The following FOXP1 variants were observed in gnomAD, a reference collection of about 807,000 sequenced individuals.
FOXP1 encodes the protein forkhead box protein P1.
In FOXP1, 15 loss-of-function variants were observed where a neutral mutation model predicts 98.2. The observed-to-expected ratio is 0.15, with a 90% CI of 0.10 to 0.24. The LOEUF is 0.24. Ranked by LOEUF, FOXP1 falls within the 10% of genes least tolerant of loss-of-function variation. FOXP1 has a pLI of 1.00. For missense variants in FOXP1, 633 were observed against 848.5 expected (o/e 0.75, Z 3.15); for synonymous variants, 371 against 314.5 (o/e 1.18, Z -1.90).
chr3:71,405,606 G>A (rs1040978640), intron 3 of FOXP1, among the ~76,000 whole-genome samples: 3 of 152,126 alleles, frequency 2.0e-5, no homozygotes, highest in Non-Finnish European at 2.9e-5. Flanking sequence ...AGAGTTCCAC[G>A]TTCCCAGCTG....
chr3:71,544,405 CA>C (rs907422697), intron 2 of FOXP1, among the ~76,000 whole-genome samples: 34 of 139,980 alleles, frequency 2.4e-4, no homozygotes, highest in African/African-American at 6.5e-4. Context: ...AAATTTGGAA[CA>C]AAAAAAAGGA....
intron 3 of FOXP1, among the ~76,000 whole-genome samples, chr3:71,470,477 C>T (rs1189737648): frequency 1.3e-5 from 2 of 152,198 alleles, no homozygotes; most frequent in African/African-American, 2.4e-5. Flanking sequence ...CGGTGGCTCA[C>T]GCCTTTAATC....
At chr3:70,978,859 G>A (rs115877060) in intron 14 of FOXP1, among the ~76,000 whole-genome samples, 105 of 152,196 alleles carry the variant, frequency 6.9e-4, no homozygotes, top group African/African-American at 1.9e-3. Context: ...TACAGAATAC[G>A]GGAGATCTGC....
intron 6 of FOXP1, among the ~76,000 whole-genome samples, chr3:71,179,794 A>G (rs556034458): frequency 2.0e-5 from 3 of 152,374 alleles, no homozygotes; most frequent in Middle Eastern, 6.8e-3. Flanking sequence ...ACAGGATTGC[A>G]AGCGATATAG....
intron 14 of FOXP1, among the ~76,000 whole-genome samples, chr3:70,979,297 A>G (rs111447663): frequency 1.4e-5 from 2 of 146,480 alleles, no homozygotes; most frequent in Non-Finnish European, 3.0e-5. Flanking sequence ...AAAAAAAAAA[A>G]AAAAAAAAAA....
At chr3:71,036,204 A>G (rs976468036) in intron 11 of FOXP1, among the ~76,000 whole-genome samples, 2 of 152,204 alleles carry the variant, frequency 1.3e-5, no homozygotes, top group Admixed American at 6.5e-5. Flanking sequence ...GCAACTGCCA[A>G]CTGTGGAGTG....
At chr3:71,212,789 C>T (rs1019403816) in intron 5 of FOXP1, among the ~76,000 whole-genome samples, 1 of 152,138 alleles carries the variant, frequency 6.6e-6, no homozygotes, top group Non-Finnish European at 1.5e-5. Context: ...ATTAATCACA[C>T]TTCTAAGAGC....
At chr3:71,528,102 T>G (rs760638628) in intron 2 of FOXP1, among the ~76,000 whole-genome samples, 71 of 152,356 alleles carry the variant, frequency 4.7e-4, no homozygotes, top group Non-Finnish European at 9.1e-4. Flanking sequence ...CACCTAAAAA[T>G]GCAGATCCCC....
At chr3:71,204,338 A>C (rs1289907026) in intron 5 of FOXP1, among the ~76,000 whole-genome samples, 2 of 152,224 alleles carry the variant, frequency 1.3e-5, no homozygotes, top group Admixed American at 1.3e-4. Context: ...CAAACAAAGG[A>C]GTTTTAAGCA....
At chr3:71,418,509 T>G (rs1220420368) in intron 3 of FOXP1, among the ~76,000 whole-genome samples, 2 of 152,252 alleles carry the variant, frequency 1.3e-5, no homozygotes, top group Non-Finnish European at 2.9e-5. Flanking sequence ...ATTTGTTTCC[T>G]ATAATAATTC....
rs187225150 is a variant in FOXP1, at chr3:71,581,266, G to T, written c.-298+283C>A. ...AGAGGGGAGTGGGGTGAGAAGGGGGGCGAGGATGTCACCATATTTTATCGG... is the reference window on the plus strand; with the variant it reads ...AGAGGGGAGTGGGGTGAGAAGGGGGTCGAGGATGTCACCATATTTTATCGG... On this transcript the variant is annotated intron_variant, in intron 2 of 20. Transcript: ENST00000649528. 3.9e-3 allele frequency: 3,856 copies of T among 985,280 alleles called. 9 individuals carry two copies. The highest frequency in any genetic ancestry group is 4.4e-3 in the Non-Finnish European group (3,669 of 829,876). The allele number at this position is 985,280 out of a possible 1,614,324, so 61.0% of individuals were successfully genotyped here.
chr3:71,057,291 C>CCTTTTTTTTTTTTTT (rs2050794054), intron 7 of FOXP1, among the ~76,000 whole-genome samples: 1 of 7,474 alleles, frequency 1.3e-4, no homozygotes, highest in Non-Finnish European at 4.6e-4. Context: ...AAAAACGAAA[C>CCTTTTTTTTTTTTTT]TTTTTTTTTT....
intron 3 of FOXP1, among the ~76,000 whole-genome samples, chr3:71,410,535 T>C (rs1470980522): frequency 6.6e-6 from 1 of 152,230 alleles, no homozygotes; most frequent in Non-Finnish European, 1.5e-5. Flanking sequence ...TGTGTCCTTA[T>C]GATTATGCAG....
intron 5 of FOXP1, among the ~76,000 whole-genome samples, chr3:71,206,240 T>C (rs1307630588): frequency 6.6e-6 from 1 of 152,250 alleles, no homozygotes; most frequent in Admixed American, 6.5e-5. Context: ...CCAACTTTTA[T>C]ATTCCAACTT....
chr3:71,527,703 T>G (rs891555179), intron 2 of FOXP1, among the ~76,000 whole-genome samples: 11 of 152,026 alleles, frequency 7.2e-5, no homozygotes, highest in African/African-American at 2.7e-4. Context: ...CCCCCGACAA[T>G]CTGTACAATA....
At chr3:71,552,182 T>TAAA (rs552135660) in intron 2 of FOXP1, among the ~76,000 whole-genome samples, 24 of 152,132 alleles carry the variant, frequency 1.6e-4, no homozygotes, top group African/African-American at 5.8e-4. Context: ...ACCAATGCAA[T>TAAA]AAAGCAGGAG....
At chr3:71,365,924 A>T (rs1051192397) in intron 3 of FOXP1, among the ~76,000 whole-genome samples, 1 of 152,216 alleles carries the variant, frequency 6.6e-6, no homozygotes, top group Non-Finnish European at 1.5e-5. Flanking sequence ...CAGAGGTTGC[A>T]GTGAGCCCAC....
At chr3:71,075,626 A>C (rs2053720198) in intron 7 of FOXP1, among the ~76,000 whole-genome samples, 1 of 152,150 alleles carries the variant, frequency 6.6e-6, no homozygotes, top group Non-Finnish European at 1.5e-5. Context: ...GGTGTGCTAC[A>C]TACCCCAGCC....
intron 6 of FOXP1, among the ~76,000 whole-genome samples, chr3:71,150,512 T>C (rs2060515844): frequency 2.0e-5 from 3 of 152,178 alleles, no homozygotes; most frequent in Admixed American, 6.5e-5. Flanking sequence ...TGAAACTCGA[T>C]ACTTATCTTA....
Sources: allele counts gnomAD v4.1 joint callset (sites outside exome capture counted in the v4.1 genomes callset), GRCh38; gene constraint gnomAD v4.1.1; transcripts MANE v1.5; gene names NCBI Gene and HGNC (gene_info 2026-07-23, HGNC 2026-07-21).